The following KLF13 variants were observed in gnomAD, a reference collection of about 807,000 sequenced individuals.
The protein encoded by KLF13 is KLF transcription factor 13, also known as Krueppel-like factor 13.
A neutral mutation model predicts 16.7 loss-of-function variants in KLF13; 8 were observed. The ratio of observed to expected loss-of-function variants is 0.48; its 90% confidence interval spans 0.28 to 0.87. The LOEUF is 0.87. Among genes scored for constraint, KLF13 ranks in the 40% least tolerant of loss-of-function variants. The pLI is 0.10. For synonymous variants in KLF13, 245 were observed against 208.4 expected (o/e 1.18, Z -1.51); for missense variants, 447 against 452.2 (o/e 0.99, Z 0.10).
chr15:31,403,908 G>A (rs930160160), exon 3 of KLF13: 9 of 152,246 alleles, frequency 5.9e-5, no homozygotes, highest in African/African-American at 2.2e-4. Flanking sequence ...TGGAGCGCCA[G>A]CTGCACTAAG....
intron 1 of KLF13, among the ~76,000 whole-genome samples, chr15:31,413,217 A>T (rs1595507741): frequency 1.3e-5 from 2 of 151,482 alleles, no homozygotes; most frequent in African/African-American, 4.8e-5. Flanking sequence ...AAACAAAAAA[A>T]CCAGCCTCAG....
At chr15:31,354,416 T>C (rs1324875011) in intron 1 of KLF13, among the ~76,000 whole-genome samples, 1 of 152,236 alleles carries the variant, frequency 6.6e-6, no homozygotes, top group African/African-American at 2.4e-5. Context: ...GTTACACTCC[T>C]GTTGCCCAGG....
chr15:31,434,455 G>A (rs530421871), intron 1 of KLF13, among the ~76,000 whole-genome samples: 2 of 152,302 alleles, frequency 1.3e-5, no homozygotes, highest in Admixed American at 1.3e-4. Flanking sequence ...TTCGAATCAG[G>A]TGCTTGCCCC....
downstream of KLF13, among the ~76,000 whole-genome samples, chr15:31,408,818 A>T (rs2040158652): frequency 6.6e-6 from 1 of 152,196 alleles, no homozygotes; most frequent in African/African-American, 2.4e-5. Flanking sequence ...TTCAGCAGAG[A>T]GGTGGAAACT....
downstream of KLF13, among the ~76,000 whole-genome samples, chr15:31,381,966 C>T (rs537867343): frequency 7.2e-5 from 11 of 152,298 alleles, no homozygotes; most frequent in East Asian, 1.9e-3. Flanking sequence ...CAGCCTGCCA[C>T]GCAGCTGTGG....
At position 31,335,435 on chromosome 15, in the gene KLF13, A is replaced by ATGTGTGTG. The variant is rs71110867; in HGVS notation, c.577+7680_577+7687dup. Among the ~76,000 whole-genome samples the ATGTGTGTG allele has an allele frequency of 7.7e-3, 270 of 34,918 alleles. 5 individuals are homozygous for ATGTGTGTG. The highest frequency in any genetic ancestry group is 0.016 in the Admixed American group (39 of 2,388). The allele number at this position is 34,918 out of a possible 152,430, so 22.9% of individuals were successfully genotyped here. A position where few individuals can be genotyped will look rare whatever the true frequency, so the allele number is the denominator to read the frequency against. On this transcript the variant is annotated intron_variant, in intron 1 of 1. Coordinates refer to ENST00000307145, the MANE Select transcript of KLF13 (RefSeq NM_015995.4). ...GCTGTTGGGCATTGTGTGTGTGTGT[A>ATGTGTGTG]TGTGTGTGTGTGTGTGTGTGTGTGT...
At position 31,373,297 on chromosome 15, in the gene KLF13, G is replaced by T. The variant is rs1022341961; in HGVS notation, c.*998G>T. 15 of 152,302 alleles carry T rather than the reference G, an allele frequency of 9.8e-5. No individual in the cohort carries two copies. The highest frequency in any genetic ancestry group is 3.6e-4 in the African/African-American group (15 of 41,478). The allele number at this position is 152,302 out of a possible 1,614,324, so 9.4% of individuals were successfully genotyped here. On this transcript the variant is annotated 3_prime_UTR_variant, in exon 2 of 2. Transcript: ENST00000307145. ...ATGGGGCCTCCTCATCAGAGGGTCTGTGTGAGCGGCTGTGCATGTGGCAGC... is the reference window on the plus strand; with the variant it reads ...ATGGGGCCTCCTCATCAGAGGGTCTTTGTGAGCGGCTGTGCATGTGGCAGC...
In KLF13 at chr15:31,327,698, C is replaced by T; in HGVS notation, c.486C>T (p.Ser162=). ...GCCGAAGTCGCGCCGACCTCGAGTC[C>T]CCGCAGAGGAAGCACAAGTGCCACT... ...RRGRSRADLE[S]PQRKHKCHYA... is the part of the protein sequence containing the mutation. Residue 162 remains serine, a synonymous_variant, in exon 1 of 2, where the codon TCC becomes TCT. Transcript: ENST00000307145. 6.5e-7 allele frequency: 1 copy of T among 1,536,582 alleles called. No homozygotes were observed. Among genetic ancestry groups the T allele is most frequent in the East Asian group, 2.7e-5 (1 of 37,462 alleles).
downstream of KLF13, among the ~76,000 whole-genome samples, chr15:31,407,623 G>A (rs2040144624): frequency 6.6e-6 from 1 of 152,096 alleles, no homozygotes; most frequent in African/African-American, 2.4e-5. Flanking sequence ...GAAATACTCT[G>A]GTCACGAGAA....
rs769375896 is a variant in KLF13, at chr15:31,372,023, C to T, written c.591C>T (p.Phe197=). The T allele has an allele frequency of 6.9e-6, 11 of 1,605,594 alleles. No individual in the cohort carries two copies. The Admixed American group carries it at 8.5e-5, about 12-fold the overall frequency. ...HLRTHTGERP[F]ACSWQDCNKK... is the part of the protein sequence containing the mutation. ...CTGTGCCCACAGGTGAGAGGCCCTT[C>T]GCCTGCAGCTGGCAGGACTGCAACA... is the stretch of plus-strand genomic sequence containing the variant. The change falls in exon 2 of 2, where the codon TTC becomes TTT. Residue 197 remains phenylalanine, a synonymous_variant. Transcript: ENST00000307145.
intron 1 of KLF13, among the ~76,000 whole-genome samples, chr15:31,351,601 G>A (rs1281814015): frequency 6.6e-6 from 1 of 152,192 alleles, no homozygotes; most frequent in African/African-American, 2.4e-5. Flanking sequence ...GCATTTTCAG[G>A]GCAGGTTGCT....
downstream of KLF13, among the ~76,000 whole-genome samples, chr15:31,381,110 T>C (rs1210387152): frequency 6.9e-6 from 1 of 144,132 alleles, no homozygotes; most frequent in Non-Finnish European, 1.5e-5. Flanking sequence ...AGCTGGAAGT[T>C]GCAGTGAGCG....
At chr15:31,416,914 A>G (rs746713960) in intron 1 of KLF13, among the ~76,000 whole-genome samples, 74 of 152,174 alleles carry the variant, frequency 4.9e-4, no homozygotes, top group Admixed American at 1.6e-3. Flanking sequence ...TTACTCCCCA[A>G]TGTAAAGCAT....
At chr15:31,353,811 C>T (rs1464295730) in intron 1 of KLF13, among the ~76,000 whole-genome samples, 1 of 151,792 alleles carries the variant, frequency 6.6e-6, no homozygotes, top group African/African-American at 2.4e-5. Flanking sequence ...AACCCCCACA[C>T]CCTTCCCCTC....
Position 31,372,422 on chromosome 15 carries a change from C to A in KLF13, c.*123C>A. 1.8e-6 allele frequency: 2 copies of A among 1,085,210 alleles called. No homozygotes were observed. The highest frequency in any genetic ancestry group is 2.4e-6 in the Non-Finnish European group (2 of 817,602). 67.2% of individuals were successfully genotyped at this position (1,085,210 alleles called of 1,614,324 possible). On this transcript the variant is annotated 3_prime_UTR_variant, in exon 2 of 2. Transcript: ENST00000307145. ...CACGAAAAAACAATTTTTTTCACCT[C>A]AGGTGTCAAAGTAAATTTGTTAAAA...
At chr15:31,397,880 G>GGGTGGT (rs71896588) in intron 2 of KLF13, among the ~76,000 whole-genome samples, 22 of 146,354 alleles carry the variant, frequency 1.5e-4, no homozygotes, top group African/African-American at 5.2e-4. Flanking sequence ...GCGGCGGGGG[G>GGGTGGT]GGTGGTGATC....
intron 1 of KLF13, among the ~76,000 whole-genome samples, chr15:31,422,132 CAAAAAAA>C (rs72041709): frequency 7.7e-5 from 6 of 77,868 alleles, no homozygotes; most frequent in South Asian, 4.3e-4. Flanking sequence ...AACAAACAAA[CAAAAAAA>C]AAAAAAAAAG....
At chr15:31,352,783 G>T (rs61444355) in intron 1 of KLF13, among the ~76,000 whole-genome samples, 3,042 of 152,290 alleles carry the variant, frequency 0.02, 101 homozygotes, top group African/African-American at 0.069. Context: ...TTAATAAAAG[G>T]CTGTATTTAA....
chr15:31,339,580 C>T (rs2140937646), intron 1 of KLF13, among the ~76,000 whole-genome samples: 1 of 152,348 alleles, frequency 6.6e-6, no homozygotes, highest in African/African-American at 2.4e-5. Context: ...TGCCTCTCCC[C>T]TGTGGGGGGT....
Sources: gnomAD v4.1 joint callset for allele counts (sites outside exome capture counted in the v4.1 genomes callset) on GRCh38, gnomAD v4.1.1 for gene constraint, MANE v1.5 for transcripts, NCBI Gene and HGNC (gene_info 2026-07-23, HGNC 2026-07-21) for gene names.